The following RGS12 variants were observed in gnomAD, a reference collection of about 807,000 sequenced individuals.
The protein encoded by RGS12 is regulator of G-protein signaling 12.
Under a neutral mutation model 120.1 loss-of-function variants are expected in RGS12, and 66 were observed. That is an observed-to-expected ratio of 0.55 (90% confidence interval 0.45 to 0.67). The LOEUF is 0.67. RGS12 is among the 30% of genes least tolerant of loss of function. The pLI is 0.00. For missense variants in RGS12, 1,859 were observed against 1,957.7 expected (o/e 0.95, Z 0.95); for synonymous variants, 827 against 804.7 (o/e 1.03, Z -0.47).
At chr4:3,414,423 C>T (rs554665425) in intron 5 of RGS12, 182 bp downstream of exon 5, 1 of 702,202 alleles carries the variant, frequency 1.4e-6, no homozygotes, top group South Asian at 2.0e-5. Flanking sequence ...GGGTTGAATC[C>T]TGCCCCTGGT....
At chr4:3,323,902 AGAGAGAAT>A (rs1725380589) in intron 2 of RGS12, 1 of 150,856 alleles carries the variant, frequency 6.6e-6, no homozygotes, top group African/African-American at 2.5e-5. Flanking sequence ...AGAGAGAGAG[AGAGAGAAT>A]GCCCCCTTTT....
intron 10 of RGS12, 113 bp downstream of exon 10, chr4:3,420,831 T>A: frequency 1.0e-6 from 1 of 965,446 alleles, no homozygotes; most frequent in African/African-American, 1.6e-5. Context: ...GTTCACTTTG[T>A]AAAGCTGGGG....
intron 10 of RGS12, among the ~76,000 whole-genome samples, chr4:3,421,024 A>G (rs945753438): frequency 6.6e-6 from 1 of 152,216 alleles, no homozygotes; most frequent in Non-Finnish European, 1.5e-5. Flanking sequence ...TTTTGTTGTA[A>G]TTTAGTTTTT....
At chr4:3,393,470 G>A (rs1167207304) in intron 4 of RGS12, among the ~76,000 whole-genome samples, 1 of 152,124 alleles carries the variant, frequency 6.6e-6, no homozygotes, top group Non-Finnish European at 1.5e-5. Context: ...ATTCTGACCT[G>A]TCTCCTCAGC....
rs1018817076 is a variant in RGS12, at chr4:3,343,332, A to T, written c.1998+279A>T. The T allele has an allele frequency of 2.0e-5, 7 of 355,334 alleles. No homozygotes were observed. In the Admixed American group the frequency reaches 2.0e-4, roughly 10 times the overall value. The allele number at this position is 355,334 out of a possible 1,614,324, so 22.0% of individuals were successfully genotyped here. Reference sequence around the variant, plus strand: ...AAATGAGCTGGTTTAATCCCCACAAATACTCTACGAGGTAGGGCCTGTCAT... The same window carrying T: ...AAATGAGCTGGTTTAATCCCCACAATTACTCTACGAGGTAGGGCCTGTCAT... On this transcript the variant is annotated intron_variant, in intron 3 of 17. Transcript: ENST00000336727.
At chr4:3,375,306 T>C (rs1717534160) in intron 3 of RGS12, among the ~76,000 whole-genome samples, 1 of 95,456 alleles carries the variant, frequency 1.0e-5, no homozygotes, top group Admixed American at 1.1e-4. Flanking sequence ...CCAGCCCTCA[T>C]CTCCAGCCCT....
chr4:3,409,243 G>GC (rs1721479499), intron 4 of RGS12, among the ~76,000 whole-genome samples: 1 of 152,234 alleles, frequency 6.6e-6, no homozygotes, highest in Admixed American at 6.5e-5. Flanking sequence ...AAGGGCAGGA[G>GC]CAGGAGCACA....
chr4:3,373,077 G>A (rs1274431760), intron 3 of RGS12, among the ~76,000 whole-genome samples: 3 of 152,166 alleles, frequency 2.0e-5, no homozygotes, highest in East Asian at 1.9e-4. Context: ...GCAGACAGAC[G>A]CTCATGCAGG....
chr4:3,364,995 C>T (rs1198731028), intron 3 of RGS12, among the ~76,000 whole-genome samples: 2 of 152,074 alleles, frequency 1.3e-5, no homozygotes, highest in African/African-American at 4.8e-5. Context: ...CTGGATGGAG[C>T]CTCCTGCACC....
intron 3 of RGS12, among the ~76,000 whole-genome samples, chr4:3,343,697 C>T (rs558572641): frequency 5.0e-4 from 76 of 152,082 alleles, no homozygotes; most frequent in African/African-American, 1.7e-3. Flanking sequence ...GTGCACCCAC[C>T]GCTGTGTATC....
chr4:3,388,020 G>A (rs970506585), intron 4 of RGS12, among the ~76,000 whole-genome samples: 1 of 152,110 alleles, frequency 6.6e-6, no homozygotes, highest in African/African-American at 2.4e-5. Context: ...CTGAGGAAGT[G>A]TGTCCTGGCT....
chr4:3,349,277 G>A (rs1396813479), intron 3 of RGS12, among the ~76,000 whole-genome samples: 3 of 152,124 alleles, frequency 2.0e-5, no homozygotes, highest in Non-Finnish European at 2.9e-5. Context: ...GGCCTTCGAT[G>A]ACATCCTTAA....
At chr4:3,310,226 G>T (rs59593517) in intron 1 of RGS12, among the ~76,000 whole-genome samples, 724 of 25,524 alleles carry the variant, frequency 0.028, 3 homozygotes, top group East Asian at 0.044. Flanking sequence ...GGAACCGTGT[G>T]GGGGAGGAGC....
chr4:3,379,084 G>A (rs1718001885), intron 3 of RGS12, among the ~76,000 whole-genome samples: 1 of 151,690 alleles, frequency 6.6e-6, no homozygotes, highest in African/African-American at 2.4e-5. Context: ...CTGCCTTAAA[G>A]GAACTCCTGC....
intron 4 of RGS12, among the ~76,000 whole-genome samples, chr4:3,387,853 A>G (rs2108976033): frequency 6.6e-6 from 1 of 152,328 alleles, no homozygotes; most frequent in East Asian, 1.9e-4. Flanking sequence ...CACCATATAT[A>G]ATAAGTTTTA....
At chr4:3,309,643 T>C (rs73795503) in intron 1 of RGS12, among the ~76,000 whole-genome samples, 931 of 31,752 alleles carry the variant, frequency 0.029, 66 homozygotes, top group African/African-American at 0.042. Context: ...GGGAACCGTG[T>C]GGGGGAGGAG....
intron 6 of RGS12, among the ~76,000 whole-genome samples, chr4:3,415,112 G>A (rs1319695318): frequency 1.4e-5 from 2 of 146,844 alleles, no homozygotes; most frequent in Non-Finnish European, 3.0e-5. Flanking sequence ...GGTCGCGTGT[G>A]AGAGGGCCGC....
In RGS12 at chr4:3,413,159, C is replaced by T. The variant is rs1406096174; in HGVS notation, c.2021-913C>T. 4.9e-5 allele frequency: 4 copies of T among 81,094 alleles called. 2 individuals carry two copies. Among genetic ancestry groups the T allele is most frequent in the Admixed American group, 2.3e-4 (2 of 8,646 alleles). The allele number at this position is 81,094 out of a possible 1,614,324, so 5.0% of individuals were successfully genotyped here. On this transcript the variant is annotated intron_variant, in intron 4 of 17. Transcript: ENST00000336727. ...CCCACACTGCTCGCGTCAGGAGGGA[C>T]GGGGGCGCCCCCACACTGCTCGCGT...
intron 3 of RGS12, among the ~76,000 whole-genome samples, chr4:3,380,614 C>G (rs1354198404): frequency 6.6e-6 from 1 of 152,250 alleles, no homozygotes; most frequent in Admixed American, 6.5e-5. Context: ...CAATTCTTGA[C>G]TTCTTTGCCC....
Sources: gnomAD v4.1 joint callset for allele counts (sites outside exome capture counted in the v4.1 genomes callset) on GRCh38, gnomAD v4.1.1 for gene constraint, MANE v1.5 for transcripts, NCBI Gene and HGNC (gene_info 2026-07-23, HGNC 2026-07-21) for gene names.